The following PRKAB2 variants were observed in gnomAD, a reference collection of about 807,000 sequenced individuals.
PRKAB2 encodes 5'-AMP-activated protein kinase subunit beta-2.
Under a neutral mutation model 29.8 loss-of-function variants are expected in PRKAB2, and 18 were observed. That is an observed-to-expected ratio of 0.60 (90% CI 0.42 to 0.89). The LOEUF (loss-of-function observed/expected upper bound fraction) is 0.89, where lower values mean the gene tolerates loss of function less well. PRKAB2 is among the 40% of genes least tolerant of loss of function. PRKAB2 has a pLI of 0.00. For synonymous variants in PRKAB2, 136 were observed against 125.9 expected (o/e 1.08, Z -0.54); for missense variants, 270 against 344.3 (o/e 0.78, Z 1.71).
Position 147,172,005 on chromosome 1 carries a change from C to A in PRKAB2, c.140G>T (p.Ser47Ile). 1 of 1,601,124 alleles carries A rather than the reference C, an allele frequency of 6.2e-7. No individual in the cohort carries two copies. The highest frequency in any genetic ancestry group is 1.1e-5 in the South Asian group (1 of 87,944). Residue 47 changes from serine (S) to isoleucine (I), a missense_variant, in exon 2 of 8, where the codon AGC (serine) becomes ATC (isoleucine). Physicochemically the swap from Ser to Ile is moderately radical, Grantham distance 142. Around this residue, in one of 2 missense-constraint regions of PRKAB2, gnomAD observed 228 missense variants for 255.5 expected, o/e 0.89. Transcript: ENST00000254101. ...VGSTDDPSVF[S>I]LPDSKLPGDK... ...GACGCTTACCTTGGAGTCAGGGAGG[C>A]TGAACACGCTGGGGTCGTCCGTACT...
rs587636317 is a variant in PRKAB2, at chr1:147,156,753, A to C, written c.*2812T>G. ...AAAGTCTGCCTGACACATGAGCTTA[A>C]AGCAGAATGGAAAGGAAAGAGGAGA... On this transcript the variant is annotated 3_prime_UTR_variant, in exon 8 of 8. Transcript: ENST00000254101. The C allele has an allele frequency of 2.8e-4, 42 of 152,320 alleles. 1 individual carries two copies. Among genetic ancestry groups the C allele is most frequent in the African/African-American group, 1.0e-3 (42 of 41,554 alleles). The allele number at this position is 152,320 out of a possible 1,614,324, so 9.4% of individuals were successfully genotyped here. A position where few individuals can be genotyped will look rare whatever the true frequency, so the allele number is the denominator to read the frequency against.
At chr1:147,161,650 C>T (rs781931453) in intron 7 of PRKAB2, 62 bp downstream of exon 7, 23 of 1,389,970 alleles carry the variant, frequency 1.7e-5, no homozygotes, top group East Asian at 2.3e-5. Context: ...CCACTGAGAA[C>T]GTATGTTACC....
Position 147,159,436 on chromosome 1 carries a change from T to G in PRKAB2, c.*129A>C. The stretch of plus-strand genomic sequence containing the variant: ...CAAATGCAAAAGCAGAGCATCCTAC[T>G]CAGAGGCTCTGAAACACACATATCA... On this transcript the variant is annotated 3_prime_UTR_variant, in exon 8 of 8. Transcript: ENST00000254101. 3 of 715,690 alleles carry G rather than the reference T, an allele frequency of 4.2e-6. No individual in the cohort carries two copies. Among genetic ancestry groups the G allele is most frequent in the Non-Finnish European group, 4.7e-6 (2 of 424,920 alleles). The allele number at this position is 715,690 out of a possible 1,614,324, so 44.3% of individuals were successfully genotyped here. A position where few individuals can be genotyped will look rare whatever the true frequency, so the allele number is the denominator to read the frequency against.
intron 5 of PRKAB2, among the ~76,000 whole-genome samples, chr1:147,165,997 C>G (rs953855484): frequency 5.8e-4 from 89 of 152,224 alleles, no homozygotes; most frequent in African/African-American, 2.1e-3. Flanking sequence ...ATGGGTCTTG[C>G]CATATTGCCC....
intron 2 of PRKAB2, 152 bp from the exon 3 acceptor site, chr1:147,168,085 T>C (rs78168126): frequency 0.015 from 12,685 of 848,124 alleles, 161 homozygotes; most frequent in Non-Finnish European, 0.017. Context: ...GAACAAATTA[T>C]AGAAAAAGAA....
At position 147,157,270 on chromosome 1, in the gene PRKAB2, AG is replaced by A. The variant is rs1397662557; in HGVS notation, c.*2294del. ...ATGGGATGTATCAGCAGTATAGAAAAGGGACAGTGCTGAATGAGTCAGCACC... is the reference window on the plus strand; with the variant it reads ...ATGGGATGTATCAGCAGTATAGAAAAGGACAGTGCTGAATGAGTCAGCACC... On this transcript the variant is annotated 3_prime_UTR_variant, in exon 8 of 8. Coordinates refer to ENST00000254101, the MANE Select transcript of PRKAB2 (RefSeq NM_005399.5). 6.6e-6 allele frequency: 1 copy of A among 152,132 alleles called. No homozygotes were observed. Among genetic ancestry groups the A allele is most frequent in the Non-Finnish European group, 1.5e-5 (1 of 68,020 alleles). 9.4% of individuals were successfully genotyped at this position (152,132 alleles called of 1,614,324 possible). A position where few individuals can be genotyped will look rare whatever the true frequency, so the allele number is the denominator to read the frequency against.
At position 147,161,692 on chromosome 1, in the gene PRKAB2, G is replaced by A. The variant is rs374192621; in HGVS notation, c.741+20C>T. The stretch of plus-strand genomic sequence containing the variant: ...CTCTCATTCCAGGGAGCTCTGTGAA[G>A]AGCCAGGGCCACCACTTACCTTAAT... On this transcript the variant is annotated intron_variant, in intron 7 of 7. Transcript: ENST00000254101. 3.8e-6 allele frequency: 6 copies of A among 1,597,592 alleles called. No homozygotes were observed. The highest frequency in any genetic ancestry group is 4.3e-6 in the Non-Finnish European group (5 of 1,165,460).
At chr1:147,160,773 A>C (rs1442177313) in intron 7 of PRKAB2, 6 of 152,210 alleles carry the variant, frequency 3.9e-5, no homozygotes, top group African/African-American at 1.4e-4. Context: ...ACTGGACCTC[A>C]GCAGTCCTGT....
chr1:147,166,641 T>A (rs201216262), intron 4 of PRKAB2, 23 bp from the exon 5 acceptor site: 1,020 of 1,606,668 alleles, frequency 6.3e-4, no homozygotes, highest in Non-Finnish European at 8.0e-4. Context: ...ATAGAAAAAA[T>A]TATTGAATCT....
At chr1:147,168,374 T>G (rs1553913942) in intron 2 of PRKAB2, among the ~76,000 whole-genome samples, 1 of 152,214 alleles carries the variant, frequency 6.6e-6, no homozygotes, top group Admixed American at 6.5e-5. Context: ...CAAATATGAA[T>G]AGCTCTCAAT....
chr1:147,165,148 C>T (rs1404109219), intron 5 of PRKAB2, among the ~76,000 whole-genome samples: 1 of 152,202 alleles, frequency 6.6e-6, no homozygotes, highest in African/African-American at 2.4e-5. Flanking sequence ...GCCTCAGCCT[C>T]CCGAGTAGCT....
chr1:147,155,305 C>T lies in PRKAB2; in HGVS notation c.*4260G>A, dbSNP rs1653620162. Reference sequence around the variant, plus strand: ...CTCTGTACCTCAGCATTAAAGGTTACAAAAAGCACCATTAAAAAGAGGACT... The same window carrying T: ...CTCTGTACCTCAGCATTAAAGGTTATAAAAAGCACCATTAAAAAGAGGACT... On this transcript the variant is annotated 3_prime_UTR_variant, in exon 8 of 8. Coordinates refer to ENST00000254101, the MANE Select transcript of PRKAB2 (RefSeq NM_005399.5). 6.6e-6 allele frequency: 1 copy of T among 152,494 alleles called. No individual in the cohort carries two copies. The highest frequency in any genetic ancestry group is 1.5e-5 in the Non-Finnish European group (1 of 67,998). 9.4% of individuals were successfully genotyped at this position (152,494 alleles called of 1,614,324 possible).
chr1:147,167,108 C>T (rs1654288393), intron 3 of PRKAB2, among the ~76,000 whole-genome samples, 169 bp from the exon 4 acceptor site: 1 of 152,198 alleles, frequency 6.6e-6, no homozygotes. Context: ...TCTGTATCAT[C>T]TTGGACATGT....
intron 1 of PRKAB2, 96 bp from the exon 2 acceptor site, chr1:147,172,263 AT>A: frequency 7.5e-7 from 1 of 1,339,984 alleles, no homozygotes; most frequent in African/African-American, 1.5e-5. Context: ...AGGGCAAGGG[AT>A]TCCCCGCCCC....
intron 5 of PRKAB2, among the ~76,000 whole-genome samples, chr1:147,164,036 A>C (rs1282196600): frequency 1.3e-5 from 2 of 152,078 alleles, no homozygotes; most frequent in African/African-American, 4.8e-5. Flanking sequence ...TCCTGGGCTC[A>C]AGTGATCCTC....
In PRKAB2 at chr1:147,158,527, C is replaced by G. The variant is rs992281511; in HGVS notation, c.*1038G>C. ...AAGCATTTATCAAAAGCCTGAAATT[C>G]TCCAATGCGGTCTCTTAAGACCAAT... On this transcript the variant is annotated 3_prime_UTR_variant, in exon 8 of 8. Coordinates refer to ENST00000254101, the MANE Select transcript of PRKAB2 (RefSeq NM_005399.5). The G allele has an allele frequency of 6.6e-6, 1 of 151,892 alleles. No homozygotes were observed. The highest frequency in any genetic ancestry group is 1.5e-5 in the Non-Finnish European group (1 of 67,982). 9.4% of individuals were successfully genotyped at this position (151,892 alleles called of 1,614,324 possible). A position where few individuals can be genotyped will look rare whatever the true frequency, so the allele number is the denominator to read the frequency against.
intron 7 of PRKAB2, 98 bp downstream of exon 7, chr1:147,161,614 C>G (rs1653965554): frequency 9.6e-7 from 1 of 1,041,696 alleles, no homozygotes; most frequent in African/African-American, 1.6e-5. Context: ...CCAGCTTCAG[C>G]TTCAATGAAA....
intron 3 of PRKAB2, among the ~76,000 whole-genome samples, chr1:147,167,522 A>AT (rs1654310357): frequency 6.6e-6 from 1 of 152,226 alleles, no homozygotes; most frequent in African/African-American, 2.4e-5. Flanking sequence ...ACATAGTCCT[A>AT]AAGAATGTAG....
chr1:147,167,073 A>G, intron 3 of PRKAB2, 134 bp from the exon 4 acceptor site: 1 of 699,678 alleles, frequency 1.4e-6, no homozygotes, highest in African/African-American at 1.8e-5. Context: ...GGTGTAAAAA[A>G]CAACGTATAA....
Sources: gnomAD v4.1 joint callset for allele counts (sites outside exome capture counted in the v4.1 genomes callset) on GRCh38, gnomAD v4.1.1 for gene constraint, gnomAD v4.1.1 regional missense constraint, MANE v1.5 for transcripts, NCBI Gene and HGNC (gene_info 2026-07-23, HGNC 2026-07-21) for gene names.